The following ZNF334 variants were observed in gnomAD, a reference collection of about 807,000 sequenced individuals.
ZNF334 encodes the protein zinc finger protein 334.
A neutral mutation model predicts 12.4 loss-of-function variants in ZNF334; 14 were observed. That is an observed-to-expected ratio of 1.13 (90% CI 0.74 to 1.76). ZNF334 has a LOEUF of 1.76. Among genes scored for constraint, ZNF334 ranks in the 40% most tolerant of loss-of-function variants. ZNF334 has a pLI of 0.00. For synonymous variants in ZNF334, 273 were observed against 269.6 expected, an observed-to-expected ratio of 1.01 and a Z score of -0.12; for missense variants, 797 against 804.5, an observed-to-expected ratio of 0.99 and a Z score of 0.11.
chr20:46,487,044 G>T, the ZNF334 span, among the ~76,000 whole-genome samples: 1 of 151,396 alleles, frequency 6.6e-6, no homozygotes, highest in Admixed American at 6.6e-5. Context: ...TAAAATGTAC[G>T]GTTACTCCTG....
chr20:46,493,987 A>T, the ZNF334 span, among the ~76,000 whole-genome samples: 10 of 152,292 alleles, frequency 6.6e-5, no homozygotes, highest in Middle Eastern at 6.8e-3. Context: ...AGTTTGCACC[A>T]TTCTTATATG....
the ZNF334 span, chr20:46,464,421 G>A: frequency 5.9e-6 from 3 of 506,924 alleles, no homozygotes; most frequent in African/African-American, 1.9e-5. Flanking sequence ...CAGCTGGAGA[G>A]GATCCCAAAG....
chr20:46,472,645 G>T, the ZNF334 span, among the ~76,000 whole-genome samples: 1 of 152,224 alleles, frequency 6.6e-6, no homozygotes, highest in Non-Finnish European at 1.5e-5. Context: ...AGCTGAAAAA[G>T]AAGAGGGATA....
At chr20:46,482,789 G>C in the ZNF334 span, among the ~76,000 whole-genome samples, 13 of 152,138 alleles carry the variant, frequency 8.5e-5, no homozygotes, top group African/African-American at 3.1e-4. Flanking sequence ...TTATTTTGGA[G>C]ATGTTTCCGT....
At chr20:46,504,875 T>G in intron 2 of ZNF334, 135 bp from the exon 3 acceptor site, 1 of 691,140 alleles carries the variant, frequency 1.4e-6, no homozygotes, top group Non-Finnish European at 2.3e-6. Context: ...GGCAGAAAAT[T>G]AAAAATCTGT....
At chr20:46,492,618 C>T in the ZNF334 span, 2 of 152,378 alleles carry the variant, frequency 1.3e-5, no homozygotes, top group Non-Finnish European at 2.9e-5. Flanking sequence ...CATCAGATAA[C>T]TCACAATAAA....
the ZNF334 span, among the ~76,000 whole-genome samples, chr20:46,486,015 C>T: frequency 1.3e-5 from 2 of 152,202 alleles, no homozygotes; most frequent in Non-Finnish European, 2.9e-5. Flanking sequence ...CTCTCCACTG[C>T]CGCCTTGTGG....
the ZNF334 span, among the ~76,000 whole-genome samples, chr20:46,484,095 C>G: frequency 6.6e-6 from 1 of 152,076 alleles, no homozygotes; most frequent in African/African-American, 2.4e-5. Context: ...AGCAAAAAAC[C>G]GATGTCCCAT....
the ZNF334 span, chr20:46,492,688 C>G: frequency 2.6e-4 from 40 of 152,194 alleles, no homozygotes; most frequent in Admixed American, 9.8e-4. Flanking sequence ...TTACCCTTTG[C>G]TAAACTCGAG....
At chr20:46,474,034 A>C in the ZNF334 span, among the ~76,000 whole-genome samples, 2 of 152,200 alleles carry the variant, frequency 1.3e-5, no homozygotes. Flanking sequence ...TAAGCTCATC[A>C]ATTACTTCTT....
rs2061702979 is a variant in ZNF334 at position 46,512,895 on chromosome 20, G to C, written c.-394C>G. The C allele has an allele frequency of 6.6e-6, 1 of 152,232 alleles. No individual in the cohort carries two copies. Among genetic ancestry groups the C allele is most frequent in the Admixed American group, 6.5e-5 (1 of 15,284 alleles). 9.4% of individuals were successfully genotyped at this position (152,232 alleles called of 1,614,324 possible). A position where few individuals can be genotyped will look rare whatever the true frequency, so the allele number is the denominator to read the frequency against. ...TAAGGGGTAAACTCAGTAAATCCCA[G>C]GTGAGGTGATGAACATGGTTGGTGC... On this transcript the variant is annotated 5_prime_UTR_variant, in exon 1 of 5. Transcript: ENST00000692313.
chr20:46,482,529 G>A, the ZNF334 span, among the ~76,000 whole-genome samples: 14 of 152,108 alleles, frequency 9.2e-5, no homozygotes, highest in African/African-American at 3.1e-4. Flanking sequence ...AATTATATAA[G>A]AAATCTATCA....
At chr20:46,467,050 T>C in the ZNF334 span, among the ~76,000 whole-genome samples, 2 of 152,320 alleles carry the variant, frequency 1.3e-5, no homozygotes, top group East Asian at 3.9e-4. Flanking sequence ...GGTATATTTC[T>C]CACAGTTCAT....
intron 2 of ZNF334, among the ~76,000 whole-genome samples, chr20:46,506,800 T>C (rs182313268): frequency 7.9e-5 from 12 of 152,172 alleles, no homozygotes; most frequent in African/African-American, 2.9e-4. Flanking sequence ...AATATCTTTC[T>C]ATACGGTTTT....
At chr20:46,506,170 T>C (rs1477810953) in intron 2 of ZNF334, 1 of 398,710 alleles carries the variant, frequency 2.5e-6, no homozygotes, top group Non-Finnish European at 4.4e-6. Context: ...CAGTTTGATA[T>C]ATGGTTCTGG....
chr20:46,464,648 T>C, the ZNF334 span: 2 of 432,938 alleles, frequency 4.6e-6, no homozygotes, highest in Non-Finnish European at 9.1e-6. Flanking sequence ...CACACAGTTC[T>C]ACCCATTTCC....
the ZNF334 span, chr20:46,465,252 G>T: frequency 1.1e-5 from 2 of 177,152 alleles, no homozygotes; most frequent in South Asian, 2.7e-4. Flanking sequence ...CTGTTGTTCT[G>T]GGAGCTGCAG....
chr20:46,503,080 C>A lies in ZNF334; in HGVS notation c.259G>T (p.Glu87Ter). ...QNYPDIDDAL[E>*]KNKEIQDKHL... ...TTATCTTGGATTTCCTTGTTCTTCT[C>A]TAAGGCATCATCAATGTCTAGAAAA... The change falls in exon 5 of 5, where the codon GAG (glutamate) becomes TAG (stop). Residue 87 changes from glutamate (E) to a stop codon, truncating the protein, a stop_gained. Transcript: ENST00000692313. LOFTEE classifies it low-confidence loss of function (END_TRUNC). The A allele has an allele frequency of 6.2e-7, 1 of 1,600,910 alleles. No homozygotes were observed. The highest frequency in any genetic ancestry group is 8.5e-7 in the Non-Finnish European group (1 of 1,173,496).
At position 46,502,393 on chromosome 20, in the gene ZNF334, C is replaced by T; in HGVS notation, c.946G>A (p.Gly316Arg). 6.2e-7 allele frequency: 1 copy of T among 1,614,060 alleles called. No homozygotes were observed. The highest frequency in any genetic ancestry group is 1.1e-5 in the South Asian group (1 of 91,074). The change falls in exon 5 of 5, where the codon GGA becomes AGA. Residue 316 changes from glycine to arginine, a missense_variant. Coordinates refer to ENST00000692313, the MANE Select transcript of ZNF334 (RefSeq NM_001353824.2). ...SALIVHQKIH[G>R]GEKSYECNEC... ...TTACACTCATAGGATTTCTCCCCTC[C>T]ATGAATTTTCTGGTGTACAATAAGG...
Sources: allele counts gnomAD v4.1 joint callset (sites outside exome capture counted in the v4.1 genomes callset), GRCh38; gene constraint gnomAD v4.1.1; transcripts MANE v1.5; gene names NCBI Gene and HGNC (gene_info 2026-07-23, HGNC 2026-07-21).